Variants in MDFIC observed in about 807,000 individuals in gnomAD.
MDFIC encodes the protein myoD family inhibitor domain-containing protein.
In MDFIC, 17 loss-of-function variants were observed where a neutral mutation model predicts 23.2. The observed-to-expected ratio is 0.73, with a 90% CI of 0.50 to 1.10. The LOEUF is 1.10. Among genes scored for constraint, MDFIC ranks in the 50% least tolerant of loss-of-function variants. The probability of loss-of-function intolerance (pLI) is 0.00; values close to 1 mark genes in which losing one functional copy is unlikely to be tolerated. For synonymous variants in MDFIC, 120 were observed against 115.2 expected, an observed-to-expected ratio of 1.04 and a Z score of -0.27; for missense variants, 356 against 316.6, an observed-to-expected ratio of 1.12 and a Z score of -0.95.
intron 4 of MDFIC, among the ~76,000 whole-genome samples, chr7:114,994,362 A>G (rs1791265564): frequency 6.6e-6 from 1 of 152,094 alleles, no homozygotes; most frequent in Non-Finnish European, 1.5e-5. Context: ...TAAGGTTAAT[A>G]TTGTTATGTG....
Position 114,922,386 on chromosome 7 carries a change from T to G in MDFIC, c.-358T>G. On this transcript the variant is annotated 5_prime_UTR_variant, in exon 1 of 5. Coordinates refer to ENST00000393486, the MANE Select transcript of MDFIC (RefSeq NM_001166345.3). ...AAGGCCCCCTCGCAGGGGAGCCGGC[T>G]GGAGTGAGCTGGCTGGAAAGAGGGG... 8.1e-7 allele frequency: 1 copy of G among 1,235,750 alleles called. No homozygotes were observed. The highest frequency in any genetic ancestry group is 4.1e-5 in the South Asian group (1 of 24,540). The allele number at this position is 1,235,750 out of a possible 1,614,324, so 76.5% of individuals were successfully genotyped here.
chr7:114,937,429 A>G (rs922544863), intron 2 of MDFIC, among the ~76,000 whole-genome samples: 1 of 152,032 alleles, frequency 6.6e-6, no homozygotes. Flanking sequence ...GATTTCCTCT[A>G]CTCCATTCTA....
chr7:114,929,297 C>T lies in MDFIC; in HGVS notation c.94+6170C>T, dbSNP rs572555962. Among the ~76,000 whole-genome samples the T allele has an allele frequency of 5.3e-5, 8 of 152,146 alleles. No individual in the cohort carries two copies. In the South Asian group the frequency reaches 1.0e-3, roughly 20 times the overall value. ...AATTTTTTGTATTTTTTAGTAGAGACGGGTTTCACCATATTGGCCAGGTTG... is the reference window on the plus strand; with the variant it reads ...AATTTTTTGTATTTTTTAGTAGAGATGGGTTTCACCATATTGGCCAGGTTG... On this transcript the variant is annotated intron_variant, in intron 2 of 4. Coordinates refer to ENST00000393486, the MANE Select transcript of MDFIC (RefSeq NM_001166345.3).
intron 4 of MDFIC, among the ~76,000 whole-genome samples, chr7:114,990,078 A>T (rs980699382): frequency 1.3e-5 from 2 of 152,246 alleles, no homozygotes; most frequent in African/African-American, 4.8e-5. Flanking sequence ...TAATGCAGAC[A>T]AATGGGAAAC....
At chr7:114,988,846 AG>A (rs1043657853) in intron 4 of MDFIC, among the ~76,000 whole-genome samples, 5 of 152,208 alleles carry the variant, frequency 3.3e-5, no homozygotes, top group African/African-American at 1.2e-4. Flanking sequence ...GTTCTCATAG[AG>A]GAGACACTTC....
chr7:114,964,296 A>G (rs543924351), intron 3 of MDFIC, among the ~76,000 whole-genome samples: 3 of 152,348 alleles, frequency 2.0e-5, no homozygotes, highest in Admixed American at 2.0e-4. Context: ...TACAGGTTTT[A>G]AAAATCATCA....
intron 2 of MDFIC, among the ~76,000 whole-genome samples, chr7:114,935,014 G>T (rs1281938673): frequency 6.6e-6 from 1 of 152,014 alleles, no homozygotes; most frequent in African/African-American, 2.4e-5. Flanking sequence ...TTTTTTAAAG[G>T]TTACAGTTGG....
rs1001845162 is a variant in MDFIC at position 114,978,155 on chromosome 7, A to G, written c.218-1351A>G. Among the ~76,000 whole-genome samples, 11 of 151,966 alleles carry G rather than the reference A, an allele frequency of 7.2e-5. No homozygotes were observed. The East Asian group carries it at 1.9e-3, about 27-fold the overall frequency. The stretch of plus-strand genomic sequence containing the variant: ...AATTTCATAAGCTTCATTGGCTTGT[A>G]TGTCTATGCCTGGTCCAATGCTGTA... On this transcript the variant is annotated intron_variant, in intron 3 of 4. Transcript: ENST00000393486.
intron 2 of MDFIC, among the ~76,000 whole-genome samples, chr7:114,929,084 G>GATCTATTTATCTATCTATCTATCTATCT (rs1792255930): frequency 6.8e-6 from 1 of 147,960 alleles, no homozygotes; most frequent in African/African-American, 2.5e-5. Context: ...GATAAATATA[G>GATCTATTTATCTATCTATCTATCTATCT]ATCTATCTAT....
intron 4 of MDFIC, among the ~76,000 whole-genome samples, chr7:115,008,676 C>T (rs534679143): frequency 4.6e-5 from 7 of 152,274 alleles, no homozygotes; most frequent in African/African-American, 1.2e-4. Flanking sequence ...AAACATTTCC[C>T]GCCCCTACAC....
At chr7:114,967,752 A>G (rs1434171078) in intron 3 of MDFIC, among the ~76,000 whole-genome samples, 2 of 151,930 alleles carry the variant, frequency 1.3e-5, no homozygotes, top group East Asian at 1.9e-4. Flanking sequence ...GTGGGTTTTA[A>G]TGGCACAATT....
chr7:115,018,134 T>C lies in MDFIC; in HGVS notation c.*2199T>C, dbSNP rs1270117766. On this transcript the variant is annotated 3_prime_UTR_variant, in exon 5 of 5. Coordinates refer to ENST00000393486, the MANE Select transcript of MDFIC (RefSeq NM_001166345.3). ...ATTTTTCTCCTCTAAAGAACTTAAT[T>C]CATTTGTTACATAAAATATAAGGAA... 1 of 151,944 alleles carries C rather than the reference T, an allele frequency of 6.6e-6. No homozygotes were observed. Among genetic ancestry groups the C allele is most frequent in the Admixed American group, 6.6e-5 (1 of 15,256 alleles). 9.4% of individuals were successfully genotyped at this position (151,944 alleles called of 1,614,324 possible).
intron 3 of MDFIC, among the ~76,000 whole-genome samples, chr7:114,968,005 C>A (rs1793137378): frequency 6.6e-6 from 1 of 151,834 alleles, no homozygotes; most frequent in South Asian, 2.1e-4. Context: ...TTTTAAAAGA[C>A]AGGGTCTCAC....
chr7:114,949,798 G>C (rs938756301), intron 3 of MDFIC, among the ~76,000 whole-genome samples: 8 of 152,090 alleles, frequency 5.3e-5, no homozygotes, highest in African/African-American at 1.9e-4. Flanking sequence ...CCTAAATGTG[G>C]GGAGGGGGCC....
intron 3 of MDFIC, among the ~76,000 whole-genome samples, chr7:114,956,088 C>T (rs991730353): frequency 3.3e-5 from 5 of 152,100 alleles, no homozygotes; most frequent in African/African-American, 9.7e-5. Flanking sequence ...ATGTGGTCCT[C>T]TAGAGAGTGT....
chr7:114,948,786 C>T (rs1259596084), intron 3 of MDFIC, among the ~76,000 whole-genome samples: 1 of 152,042 alleles, frequency 6.6e-6, no homozygotes, highest in Non-Finnish European at 1.5e-5. Context: ...CTCATATTTA[C>T]CTCTAGTTCT....
At chr7:114,959,460 C>T (rs1355889993) in intron 3 of MDFIC, among the ~76,000 whole-genome samples, 1 of 152,056 alleles carries the variant, frequency 6.6e-6, no homozygotes, top group Non-Finnish European at 1.5e-5. Flanking sequence ...TTGTGAAAGT[C>T]CTCTTGGAAG....
At chr7:114,989,450 T>C (rs550995820) in intron 4 of MDFIC, among the ~76,000 whole-genome samples, 2 of 152,240 alleles carry the variant, frequency 1.3e-5, no homozygotes, top group African/African-American at 4.8e-5. Flanking sequence ...ATTATTTTGT[T>C]TTAAGATAGG....
At chr7:115,002,025 T>G (rs906644760) in intron 4 of MDFIC, among the ~76,000 whole-genome samples, 2 of 151,988 alleles carry the variant, frequency 1.3e-5, no homozygotes, top group Non-Finnish European at 2.9e-5. Flanking sequence ...TAATCCTAGC[T>G]ACTTGGGAGA....
Sources: allele counts gnomAD v4.1 joint callset (sites outside exome capture counted in the v4.1 genomes callset), GRCh38; gene constraint gnomAD v4.1.1; transcripts MANE v1.5; gene names NCBI Gene and HGNC (gene_info 2026-07-23, HGNC 2026-07-21).